Variants in TMEM132D observed in about 807,000 individuals in gnomAD.
The protein encoded by TMEM132D is mature OL transmembrane protein.
TMEM132D carries 21 observed loss-of-function variants against 62.3 expected under a neutral mutation model. The ratio of observed to expected loss-of-function variants is 0.34; its 90% confidence interval spans 0.24 to 0.49. The LOEUF is 0.49. Ranked by LOEUF, TMEM132D falls within the 20% of genes least tolerant of loss-of-function variation. The probability of loss-of-function intolerance (pLI) is 0.99; values close to 1 mark genes in which losing one functional copy is unlikely to be tolerated. For missense variants in TMEM132D, 1,346 were observed against 1,402.8 expected (o/e 0.96, Z 0.65); for synonymous variants, 621 against 575.6 (o/e 1.08, Z -1.13).
intron 4 of TMEM132D, among the ~76,000 whole-genome samples, chr12:129,261,464 C>T (rs550768467): frequency 6.6e-6 from 1 of 152,312 alleles, no homozygotes; most frequent in South Asian, 2.1e-4. Context: ...TTGCCCTCCG[C>T]CATGATTGTG....
intron 3 of TMEM132D, among the ~76,000 whole-genome samples, chr12:129,520,153 G>T (rs4759955): frequency 0.23 from 35,384 of 152,062 alleles, 4,778 homozygotes; most frequent in Non-Finnish European, 0.29. Flanking sequence ...AAGCAGAACA[G>T]ACATTAAATA....
At chr12:129,300,467 G>T (rs984437896) in intron 4 of TMEM132D, among the ~76,000 whole-genome samples, 11 of 152,184 alleles carry the variant, frequency 7.2e-5, no homozygotes, top group African/African-American at 2.7e-4. Context: ...ACCTGTTAAG[G>T]TTTTTGCTAT....
chr12:129,291,887 GA>G (rs1881459325), intron 4 of TMEM132D, among the ~76,000 whole-genome samples: 1 of 152,112 alleles, frequency 6.6e-6, no homozygotes, highest in African/African-American at 2.4e-5. Context: ...AATAATGGAA[GA>G]ATGGAGAAGG....
intron 3 of TMEM132D, among the ~76,000 whole-genome samples, chr12:129,394,597 G>A (rs1446307050): frequency 1.3e-5 from 2 of 152,260 alleles, no homozygotes; most frequent in African/African-American, 4.8e-5. Context: ...GGACACCCGT[G>A]AGGAGGACTG....
chr12:129,702,499 G>A (rs1881406705), intron 1 of TMEM132D, among the ~76,000 whole-genome samples: 1 of 152,174 alleles, frequency 6.6e-6, no homozygotes, highest in Middle Eastern at 3.4e-3. Flanking sequence ...CCCCTCTCTG[G>A]GCACCCTCTC....
chr12:129,154,663 T>G (rs1877180259), intron 5 of TMEM132D, among the ~76,000 whole-genome samples: 1 of 152,254 alleles, frequency 6.6e-6, no homozygotes, highest in Non-Finnish European at 1.5e-5. Flanking sequence ...TATATCTGGT[T>G]CAGTAACAGA....
intron 3 of TMEM132D, among the ~76,000 whole-genome samples, chr12:129,441,550 A>G (rs770914334): frequency 1.3e-5 from 2 of 152,154 alleles, no homozygotes; most frequent in African/African-American, 2.4e-5. Flanking sequence ...ACACTGTCCA[A>G]AACACAGAGA....
At chr12:129,703,635 A>C (rs543378043) in intron 1 of TMEM132D, among the ~76,000 whole-genome samples, 1 of 152,296 alleles carries the variant, frequency 6.6e-6, no homozygotes, top group Non-Finnish European at 1.5e-5. Flanking sequence ...AATTACAAAG[A>C]AGCTATACAC....
chr12:129,685,068 T>A (rs527547801), intron 2 of TMEM132D, among the ~76,000 whole-genome samples: 1 of 152,250 alleles, frequency 6.6e-6, no homozygotes, highest in Admixed American at 6.5e-5. Flanking sequence ...GGAAACAGCA[T>A]AAAAGTTCAG....
Position 129,826,789 on chromosome 12 carries a change from C to T in TMEM132D, c.79+76472G>A, listed in dbSNP as rs574277147. Among the ~76,000 whole-genome samples, 67 of 152,170 alleles carry T rather than the reference C, an allele frequency of 4.4e-4. No homozygotes were observed. The South Asian group carries it at 0.013, about 29-fold the overall frequency. On this transcript the variant is annotated intron_variant, in intron 1 of 8. Coordinates refer to ENST00000422113, the MANE Select transcript of TMEM132D (RefSeq NM_133448.3). ...GAGGCCTGAGACAGCAAGATCCATCCGAGGACTGGGTGAAATGCAGGTGTG... is the reference window on the plus strand; with the variant it reads ...GAGGCCTGAGACAGCAAGATCCATCTGAGGACTGGGTGAAATGCAGGTGTG...
chr12:129,567,643 C>A (rs1264415150), intron 2 of TMEM132D, among the ~76,000 whole-genome samples: 1 of 152,126 alleles, frequency 6.6e-6, no homozygotes, highest in East Asian at 1.9e-4. Context: ...GTAAACAGTA[C>A]CACCTTTCAC....
intron 5 of TMEM132D, among the ~76,000 whole-genome samples, chr12:129,143,425 G>A (rs963073788): frequency 2.0e-4 from 31 of 152,154 alleles, no homozygotes; most frequent in African/African-American, 7.5e-4. Context: ...GAAGCTCCCT[G>A]AGCCCAGGCC....
At chr12:129,589,320 C>T (rs1046312027) in intron 2 of TMEM132D, among the ~76,000 whole-genome samples, 1 of 152,134 alleles carries the variant, frequency 6.6e-6, no homozygotes, top group Non-Finnish European at 1.5e-5. Context: ...ATGCCTTTCA[C>T]CTCCTACCAT....
intron 1 of TMEM132D, among the ~76,000 whole-genome samples, chr12:129,902,207 C>A (rs887554059): frequency 6.6e-6 from 1 of 152,206 alleles, no homozygotes; most frequent in Admixed American, 6.5e-5. Context: ...AGAGAACAGA[C>A]AATTCATGTA....
chr12:129,179,134 C>T (rs764948559), intron 5 of TMEM132D, among the ~76,000 whole-genome samples: 26 of 152,026 alleles, frequency 1.7e-4, no homozygotes, highest in Non-Finnish European at 2.4e-4. Flanking sequence ...TGCCCATCAG[C>T]GTACAGAAAC....
chr12:129,792,867 G>C lies in TMEM132D; in HGVS notation c.80-92169C>G, dbSNP rs557539797. On this transcript the variant is annotated intron_variant, in intron 1 of 8. Transcript: ENST00000422113. The stretch of plus-strand genomic sequence containing the variant: ...ATAACTATTGAATTTCCATTTAGGT[G>C]GTACGGAAAACACAGAATAAAAAGA... Among the ~76,000 whole-genome samples the C allele has an allele frequency of 1.1e-4, 17 of 152,168 alleles. No individual in the cohort carries two copies. In the South Asian group the frequency reaches 3.3e-3, roughly 30 times the overall value.
intron 1 of TMEM132D, among the ~76,000 whole-genome samples, chr12:129,788,337 G>A (rs1871299464): frequency 6.6e-6 from 1 of 152,220 alleles, no homozygotes; most frequent in Non-Finnish European, 1.5e-5. Flanking sequence ...GAAGCTTTGT[G>A]AGGGTAGGGA....
chr12:129,389,926 G>C (rs955615275), intron 3 of TMEM132D, among the ~76,000 whole-genome samples: 2 of 152,228 alleles, frequency 1.3e-5, no homozygotes, highest in African/African-American at 4.8e-5. Flanking sequence ...GAGACTTTTA[G>C]TTGCTCTTCT....
chr12:129,786,576 G>C (rs1380235152), intron 1 of TMEM132D, among the ~76,000 whole-genome samples: 1 of 152,074 alleles, frequency 6.6e-6, no homozygotes. Context: ...CAACTGGATG[G>C]TTTCATGTTG....
Sources: allele counts gnomAD v4.1 joint callset (sites outside exome capture counted in the v4.1 genomes callset), GRCh38; gene constraint gnomAD v4.1.1; transcripts MANE v1.5; gene names NCBI Gene and HGNC (gene_info 2026-07-23, HGNC 2026-07-21).